IGF1: variants seen among roughly 807,000 people sequenced by gnomAD.
IGF1 encodes the protein insulin like growth factor 1.
A neutral mutation model predicts 13.8 loss-of-function variants in IGF1; 4 were observed. The observed-to-expected ratio is 0.29, with a 90% CI of 0.14 to 0.66. IGF1 has a LOEUF of 0.66. Among genes scored for constraint, IGF1 ranks in the 30% least tolerant of loss-of-function variants. The pLI is 0.78. For synonymous variants in IGF1, 76 were observed against 72.6 expected (o/e 1.05, Z -0.23); for missense variants, 124 against 188.5 (o/e 0.66, Z 2.00).
chr12:102,405,875 A>G (rs1287682569), intron 3 of IGF1, among the ~76,000 whole-genome samples: 2 of 152,268 alleles, frequency 1.3e-5, no homozygotes, highest in Non-Finnish European at 2.9e-5. Context: ...AAAAGAATTG[A>G]GGTTAGATTG....
At chr12:102,475,337 T>A (rs1266050237) in intron 2 of IGF1, among the ~76,000 whole-genome samples, 1 of 152,178 alleles carries the variant, frequency 6.6e-6, no homozygotes, top group African/African-American at 2.4e-5. Flanking sequence ...ACCTCAGGGT[T>A]ATTTTGTCCT....
At chr12:102,429,410 A>ACT (rs1193691537) in intron 2 of IGF1, among the ~76,000 whole-genome samples, 2 of 152,198 alleles carry the variant, frequency 1.3e-5, no homozygotes, top group Non-Finnish European at 2.9e-5. Flanking sequence ...GTTTCTTAGT[A>ACT]ATCTTCTGGC....
chr12:102,420,421 G>T (rs780336727), intron 2 of IGF1, among the ~76,000 whole-genome samples: 1 of 152,170 alleles, frequency 6.6e-6, no homozygotes, highest in Non-Finnish European at 1.5e-5. Flanking sequence ...AATTGTTTGA[G>T]GATTAAATGA....
intron 2 of IGF1, among the ~76,000 whole-genome samples, chr12:102,437,614 T>C (rs1334577980): frequency 6.6e-6 from 1 of 152,210 alleles, no homozygotes; most frequent in African/African-American, 2.4e-5. Context: ...CACTAGAGGC[T>C]GCGGAGCATT....
At chr12:102,480,587 A>G (rs1881341808), upstream of IGF1, 4 of 1,412,400 alleles carry the variant, frequency 2.8e-6, no homozygotes, top group South Asian at 5.9e-5. Flanking sequence ...AAATCCTCAC[A>G]TTTATCTACA....
At chr12:102,422,826 C>T (rs922874635) in intron 2 of IGF1, among the ~76,000 whole-genome samples, 7 of 152,062 alleles carry the variant, frequency 4.6e-5, no homozygotes, top group African/African-American at 1.7e-4. Flanking sequence ...ATAATTCTGT[C>T]CCAGTGGGCA....
chr12:102,419,677 C>T lies in IGF1; in HGVS notation c.234G>A (p.Gly78=), dbSNP rs1875516493. The change falls in exon 3 of 4, where the codon GGG becomes GGA. Residue 78 remains glycine, a synonymous_variant. Coordinates refer to ENST00000337514, the MANE Select transcript of IGF1 (RefSeq NM_000618.5). ...GCGCCCTCCGACTGCTGGAGCCATACCCTGTGGGCTTGTCTGCACAAATCA... is the reference window on the plus strand; with the variant it reads ...GCGCCCTCCGACTGCTGGAGCCATATCCTGTGGGCTTGTCTGCACAAATCA... ...DRGFYFNKPT[G]YGSSSRRAPQ... is the part of the protein sequence containing the mutation. The T allele has an allele frequency of 6.2e-7, 1 of 1,612,490 alleles. No homozygotes were observed. Among genetic ancestry groups the T allele is most frequent in the Non-Finnish European group, 8.5e-7 (1 of 1,180,004 alleles).
chr12:102,474,310 G>A (rs189790383), intron 2 of IGF1, among the ~76,000 whole-genome samples: 5 of 152,304 alleles, frequency 3.3e-5, no homozygotes, highest in African/African-American at 9.6e-5. Flanking sequence ...AAATGAGTTC[G>A]TTCAATTAAA....
intron 2 of IGF1, among the ~76,000 whole-genome samples, chr12:102,439,238 C>G (rs923418943): frequency 6.6e-6 from 1 of 152,098 alleles, no homozygotes; most frequent in African/African-American, 2.4e-5. Context: ...TTTTTTCATG[C>G]TCAAAGCATG....
At chr12:102,417,541 G>A in intron 3 of IGF1, 4 of 1,139,532 alleles carry the variant, frequency 3.5e-6, no homozygotes, top group Non-Finnish European at 4.3e-6. Context: ...AGAGAATAGT[G>A]TGTCTTTTTT....
chr12:102,481,385 G>GTGTA (rs1881387043), upstream of IGF1, among the ~76,000 whole-genome samples: 1 of 146,620 alleles, frequency 6.8e-6, no homozygotes, highest in African/African-American at 2.6e-5. Flanking sequence ...GTGTGTGTGT[G>GTGTA]TGTATGACAG....
At chr12:102,409,338 C>A (rs952325608) in intron 3 of IGF1, among the ~76,000 whole-genome samples, 2 of 152,174 alleles carry the variant, frequency 1.3e-5, no homozygotes, top group Non-Finnish European at 2.9e-5. Context: ...TTTGTCTCTC[C>A]ACTAAAACAT....
intron 1 of IGF1, among the ~76,000 whole-genome samples, chr12:102,479,490 C>T (rs1345121835): frequency 6.6e-6 from 1 of 152,034 alleles, no homozygotes; most frequent in Admixed American, 6.5e-5. Flanking sequence ...AACGAGAAGT[C>T]GGTGCACTGA....
intron 2 of IGF1, among the ~76,000 whole-genome samples, chr12:102,474,183 C>T (rs1300887944): frequency 6.6e-6 from 1 of 152,178 alleles, no homozygotes; most frequent in Non-Finnish European, 1.5e-5. Flanking sequence ...CAGTTATCTT[C>T]CACAGGATAT....
intron 1 of IGF1, among the ~76,000 whole-genome samples, chr12:102,477,284 A>G (rs1330545904): frequency 1.3e-5 from 2 of 152,040 alleles, no homozygotes; most frequent in Non-Finnish European, 2.9e-5. Context: ...GAAAAAAAAA[A>G]AAAACCAAAA....
intron 3 of IGF1, among the ~76,000 whole-genome samples, chr12:102,411,312 C>G (rs544158362): frequency 7.2e-5 from 11 of 152,326 alleles, no homozygotes; most frequent in African/African-American, 1.9e-4. Flanking sequence ...GATTGAGAAC[C>G]TTACTCAACC....
chr12:102,424,785 T>C (rs780264162), intron 2 of IGF1, among the ~76,000 whole-genome samples: 1 of 152,210 alleles, frequency 6.6e-6, no homozygotes, highest in Non-Finnish European at 1.5e-5. Context: ...AAATTGTGAT[T>C]ATATTATTAC....
intron 2 of IGF1, among the ~76,000 whole-genome samples, chr12:102,424,121 CG>C (rs1178339379): frequency 6.6e-6 from 1 of 151,986 alleles, no homozygotes; most frequent in Admixed American, 6.6e-5. Context: ...AAAACGCAAA[CG>C]TTTTCAAGTT....
chr12:102,418,112 T>C, intron 3 of IGF1: 1 of 1,177,726 alleles, frequency 8.5e-7, no homozygotes, highest in East Asian at 2.5e-5. Flanking sequence ...ACAGCACTCA[T>C]GCTGGAGAGG....
Sources: gnomAD v4.1 joint callset for allele counts (sites outside exome capture counted in the v4.1 genomes callset) on GRCh38, gnomAD v4.1.1 for gene constraint, MANE v1.5 for transcripts, NCBI Gene and HGNC (gene_info 2026-07-23, HGNC 2026-07-21) for gene names.